The following NT5C3A variants were observed in gnomAD, a reference collection of about 807,000 sequenced individuals.
NT5C3A encodes the protein 5'-nucleotidase, cytosolic IIIA.
Under a neutral mutation model 40.0 loss-of-function variants are expected in NT5C3A, and 23 were observed. The observed-to-expected ratio is 0.58, with a 90% CI of 0.41 to 0.81. NT5C3A has a LOEUF of 0.81. Ranked by LOEUF, NT5C3A falls within the 40% of genes least tolerant of loss-of-function variation. The probability of loss-of-function intolerance (pLI) is 0.00; values close to 1 mark genes in which losing one functional copy is unlikely to be tolerated. For missense variants in NT5C3A, 328 were observed against 403.0 expected (o/e 0.81, Z 1.59); for synonymous variants, 130 against 141.4 (o/e 0.92, Z 0.57).
At chr7:33,046,673 A>G (rs1055970310) in intron 1 of NT5C3A, among the ~76,000 whole-genome samples, 1 of 152,260 alleles carries the variant, frequency 6.6e-6, no homozygotes, top group African/African-American at 2.4e-5. Flanking sequence ...AGCAGAAATG[A>G]CACTGATGTT....
At chr7:33,046,898 G>A (rs1376659959) in intron 1 of NT5C3A, among the ~76,000 whole-genome samples, 2 of 151,502 alleles carry the variant, frequency 1.3e-5, no homozygotes, top group African/African-American at 4.9e-5. Flanking sequence ...CTGCTTCCCG[G>A]GTTCAAACAA....
chr7:33,044,609 T>C lies in NT5C3A; in HGVS notation c.139-17694A>G, dbSNP rs1174521834. Among the ~76,000 whole-genome samples, 5 of 152,334 alleles carry C rather than the reference T, an allele frequency of 3.3e-5. No individual in the cohort carries two copies. In the East Asian group the frequency reaches 9.6e-4, roughly 29 times the overall value. On this transcript the variant is annotated intron_variant, in intron 1 of 8. Transcript: ENST00000610140. ...CATATGTCAAAGAGCACAGCACTTG[T>C]ACAGAATTCACAAATGGAAGATTTT...
At chr7:33,051,946 T>C (rs1787386700) in intron 1 of NT5C3A, among the ~76,000 whole-genome samples, 1 of 152,212 alleles carries the variant, frequency 6.6e-6, no homozygotes, top group African/African-American at 2.4e-5. Context: ...TACATGCTCA[T>C]GATATGTCAA....
At position 33,014,179 on chromosome 7, in the gene NT5C3A, T is replaced by C; in HGVS notation, c.*551A>G. ...TTATTATCAGTGCTTCAATATAGAA[T>C]GTTTTGTAATGATTAGCAACATTGT... On this transcript the variant is annotated 3_prime_UTR_variant, in exon 9 of 9. Transcript: ENST00000610140. The C allele has an allele frequency of 2.2e-6, 1 of 453,010 alleles. No individual in the cohort carries two copies. 28.1% of individuals were successfully genotyped at this position (453,010 alleles called of 1,614,324 possible).
intron 1 of NT5C3A, among the ~76,000 whole-genome samples, chr7:33,046,635 A>G (rs1787169539): frequency 1.3e-5 from 2 of 152,216 alleles, no homozygotes; most frequent in South Asian, 4.1e-4. Flanking sequence ...TCTTACTTAA[A>G]AAGCATTAAA....
At chr7:33,053,713 T>C (rs1437098239) in intron 1 of NT5C3A, among the ~76,000 whole-genome samples, 1 of 152,080 alleles carries the variant, frequency 6.6e-6, no homozygotes, top group Admixed American at 6.5e-5. Flanking sequence ...GTAATGGCTT[T>C]TAGTCAGAAA....
At chr7:33,037,700 C>T (rs565793544) in intron 1 of NT5C3A, among the ~76,000 whole-genome samples, 7 of 152,182 alleles carry the variant, frequency 4.6e-5, no homozygotes, top group East Asian at 3.9e-4. Flanking sequence ...TGAGTAAACA[C>T]GATTTCCAAA....
intron 1 of NT5C3A, chr7:33,045,912 G>C (rs1273552456): frequency 6.6e-6 from 1 of 152,450 alleles, no homozygotes; most frequent in African/African-American, 2.4e-5. Context: ...ACCAGGGCTA[G>C]TTCACCCCTC....
chr7:33,051,737 C>T (rs10951370), intron 1 of NT5C3A, among the ~76,000 whole-genome samples: 116,128 of 152,058 alleles, frequency 0.76, 44,757 homozygotes, highest in African/African-American at 0.86. Flanking sequence ...TAATTTAGTG[C>T]GTGCTCAGTT....
chr7:33,022,345 A>T (rs888197985), intron 3 of NT5C3A, among the ~76,000 whole-genome samples: 3 of 152,238 alleles, frequency 2.0e-5, no homozygotes, highest in Non-Finnish European at 4.4e-5. Flanking sequence ...GCTCGCTTAC[A>T]TCACTGAGAT....
At chr7:33,021,796 A>C in intron 4 of NT5C3A, 1 of 491,032 alleles carries the variant, frequency 2.0e-6, no homozygotes. Flanking sequence ...TTACAACACC[A>C]GAATACTTTG....
chr7:33,039,562 G>GTTTTTTTT (rs770430109), intron 1 of NT5C3A, among the ~76,000 whole-genome samples: 1 of 120,510 alleles, frequency 8.3e-6, no homozygotes, highest in African/African-American at 3.3e-5. Context: ...TGGGTTTTTT[G>GTTTTTTTT]TTTTTTTTTT....
intron 1 of NT5C3A, among the ~76,000 whole-genome samples, chr7:33,038,498 CTT>C (rs76288295): frequency 1.4e-5 from 2 of 139,428 alleles, no homozygotes; most frequent in East Asian, 2.0e-4. Flanking sequence ...ACTTTAGGAC[CTT>C]TTTTTTTTTT....
In NT5C3A at chr7:33,026,912, G is replaced by T. The variant is rs1402000896; in HGVS notation, c.142C>A (p.Pro48Thr). ...GRKTKIIEMM[P>T]EFQKSSVRIK... ...CGAACTGAACTTTTCTGGAATTCTG[G>T]CATCTAAAAGTAAAAGAAAATTAAT... Residue 48 changes from proline to threonine, a missense_variant, in exon 2 of 9, where the codon CCA (proline) becomes ACA (threonine). By Grantham distance (38) the Pro-to-Thr change is conservative. Coordinates refer to ENST00000610140, the MANE Select transcript of NT5C3A (RefSeq NM_001002010.5). 6 of 1,602,612 alleles carry T rather than the reference G, an allele frequency of 3.7e-6. No individual in the cohort carries two copies. Among genetic ancestry groups the T allele is most frequent in the Non-Finnish European group, 5.1e-6 (6 of 1,171,074 alleles).
intron 1 of NT5C3A, among the ~76,000 whole-genome samples, chr7:33,044,559 AGCGGCAAACTCT>A (rs1159869842): frequency 6.6e-6 from 1 of 152,184 alleles, no homozygotes; most frequent in African/African-American, 2.4e-5. Context: ...TATCACTCCT[AGCGGCAAACTCT>A]GGATCTGAAA....
intron 1 of NT5C3A, among the ~76,000 whole-genome samples, chr7:33,055,814 A>G (rs529776027): frequency 6.6e-6 from 1 of 152,352 alleles, no homozygotes; most frequent in South Asian, 2.1e-4. Context: ...AAGTGCAACT[A>G]ATTTTTAAAG....
At chr7:33,031,051 G>T (rs1583923880) in intron 1 of NT5C3A, among the ~76,000 whole-genome samples, 1 of 147,622 alleles carries the variant, frequency 6.8e-6, no homozygotes, top group Non-Finnish European at 1.5e-5. Flanking sequence ...AGTGAGCCGA[G>T]ATCGCGCCAC....
intron 1 of NT5C3A, among the ~76,000 whole-genome samples, chr7:33,054,921 T>C (rs1346168035): frequency 1.3e-5 from 2 of 152,198 alleles, no homozygotes; most frequent in Non-Finnish European, 2.9e-5. Context: ...ATTGGGAGAT[T>C]AGCTTCCACA....
chr7:33,025,924 G>A (rs564440662), intron 2 of NT5C3A, among the ~76,000 whole-genome samples: 48 of 152,144 alleles, frequency 3.2e-4, no homozygotes, highest in Non-Finnish European at 5.4e-4. Flanking sequence ...GATGGCTCAC[G>A]CCTGTAATCC....
Sources: allele counts gnomAD v4.1 joint callset (sites outside exome capture counted in the v4.1 genomes callset), GRCh38; gene constraint gnomAD v4.1.1; transcripts MANE v1.5; gene names NCBI Gene and HGNC (gene_info 2026-07-23, HGNC 2026-07-21).